GFAP: variants seen among roughly 807,000 people sequenced by gnomAD.
The protein encoded by GFAP is intermediate filament protein.
In GFAP, 38 loss-of-function variants were observed where a neutral mutation model predicts 49.3. The ratio of observed to expected loss-of-function variants is 0.77; its 90% CI spans 0.60 to 1.01. GFAP has a LOEUF of 1.01. GFAP is among the 50% of genes least tolerant of loss of function. GFAP has a pLI of 0.00. For missense variants in GFAP, 463 were observed against 579.1 expected (o/e 0.80, Z 2.06); for synonymous variants, 222 against 236.4 (o/e 0.94, Z 0.56).
chr17:44,910,339 G>A, intron 7 of GFAP: 1 of 1,612,436 alleles, frequency 6.2e-7, no homozygotes, highest in Non-Finnish European at 8.5e-7. Context: ...CTGCAGACAG[G>A]GCAGATGTCA....
At chr17:44,914,991 G>A (rs1281840947) in intron 1 of GFAP, 35 bp downstream of exon 1, 1 of 1,566,566 alleles carries the variant, frequency 6.4e-7, no homozygotes, top group African/African-American at 1.3e-5. Flanking sequence ...AGCCCCTTCT[G>A]CTCACAAGGC....
chr17:44,911,416 C>G lies in GFAP; in HGVS notation c.947G>C (p.Arg316Pro), dbSNP rs140004406. The G allele has an allele frequency of 6.2e-7, 1 of 1,612,552 alleles. No individual in the cohort carries two copies. Among genetic ancestry groups the G allele is most frequent in the Non-Finnish European group, 8.5e-7 (1 of 1,179,370 alleles). The change falls in exon 6 of 9, where the codon CGG becomes CCG. Residue 316 changes from arginine (R) to proline (P), a missense_variant. Transcript: ENST00000588735. ...ATAACTGGCCGCCTCCCGCACGTGC[C>G]GCTCCTCCTGCTCGCGCATCTGCCT... ...LERQMREQEE[R>P]HVREAASYQE... is the part of the protein sequence containing the mutation.
In GFAP at chr17:44,911,681, CAG is replaced by C; in HGVS notation, c.895_896del (p.Leu299AlafsTer123). ...CCCTGGCCGCGCTCACCGTGCCGCG[CAG>C]AGACTCCAGGTCGCAGGTCAAGGAC... ...LQSLTCDLES[L>X]RGTNESLERQ... On this transcript the variant is annotated frameshift_variant, in exon 5 of 9. Coordinates refer to ENST00000588735, the MANE Select transcript of GFAP (RefSeq NM_002055.5). LOFTEE classifies it high-confidence loss of function. 6.2e-7 allele frequency: 1 copy of C among 1,613,260 alleles called. No individual in the cohort carries two copies. The highest frequency in any genetic ancestry group is 2.2e-5 in the East Asian group (1 of 44,884).
chr17:44,911,503 G>C, intron 5 of GFAP, 47 bp from the exon 6 acceptor site: 5 of 1,563,272 alleles, frequency 3.2e-6, no homozygotes, highest in Non-Finnish European at 4.3e-6. Flanking sequence ...ACCCGACTTG[G>C]GGAGGTTTCG....
chr17:44,903,596 T>A lies in GFAP; in HGVS notation c.*3751A>T. ...AGTAAAGGCCAGGTTCTAGAATGGC[T>A]TTCCCCCCCCACCCTGAGATCAGGT... On this transcript the variant is annotated 3_prime_UTR_variant, in exon 9 of 9. Transcript: ENST00000588735. 1.4e-6 allele frequency: 2 copies of A among 1,404,736 alleles called. No individual in the cohort carries two copies. The highest frequency in any genetic ancestry group is 9.2e-7 in the Non-Finnish European group (1 of 1,086,482). 87.0% of individuals were successfully genotyped at this position (1,404,736 alleles called of 1,614,324 possible).
At position 44,911,807 on chromosome 17, in the gene GFAP, G is replaced by A; in HGVS notation, c.781-10C>T. On this transcript the variant is annotated splice_polypyrimidine_tract_variant and intron_variant, in intron 4 of 8. Transcript: ENST00000588735. Reference sequence around the variant, plus strand: ...CTGTCAGGTCTGCAAACTAGGTGGGGGACACATATGGGGGGCTGTGTGGGC... The same window carrying A: ...CTGTCAGGTCTGCAAACTAGGTGGGAGACACATATGGGGGGCTGTGTGGGC... The A allele has an allele frequency of 6.2e-7, 1 of 1,611,690 alleles. No individual in the cohort carries two copies.
chr17:44,913,513 C>T, intron 3 of GFAP, 83 bp from the exon 4 acceptor site: 2 of 1,454,166 alleles, frequency 1.4e-6, no homozygotes, highest in Non-Finnish European at 9.6e-7. Flanking sequence ...TCCTCTTCTG[C>T]CTGCCCCTCG....
rs765244209 is a variant in GFAP, at chr17:44,904,808, G to A, written c.*2539C>T. 3.6e-5 allele frequency: 56 copies of A among 1,550,540 alleles called. No individual in the cohort carries two copies. Among genetic ancestry groups the A allele is most frequent in the Non-Finnish European group, 4.3e-5 (49 of 1,147,012 alleles). ...GTCCATGAGGGTGTTCATTGACCAC[G>A]GCAACCAGCTCCACATCCGCTTCAC... On this transcript the variant is annotated 3_prime_UTR_variant, in exon 9 of 9. Transcript: ENST00000588735.
Position 44,905,388 on chromosome 17 carries a change from A to G in GFAP, c.*1959T>C, listed in dbSNP as rs901165417. 3.5e-6 allele frequency: 1 copy of G among 283,530 alleles called. No individual in the cohort carries two copies. The highest frequency in any genetic ancestry group is 7.0e-6 in the Non-Finnish European group (1 of 142,224). 17.6% of individuals were successfully genotyped at this position (283,530 alleles called of 1,614,324 possible). A position where few individuals can be genotyped will look rare whatever the true frequency, so the allele number is the denominator to read the frequency against. On this transcript the variant is annotated 3_prime_UTR_variant, in exon 9 of 9. Coordinates refer to ENST00000588735, the MANE Select transcript of GFAP (RefSeq NM_002055.5). ...GGTAAACACTGATCAGTGTTGAATC[A>G]TGTTTGAGCTGCTTTGCTTTCTTGC...
At chr17:44,914,717 C>A in intron 1 of GFAP, 1 of 451,310 alleles carries the variant, frequency 2.2e-6, no homozygotes. Flanking sequence ...TCGCTGCCCA[C>A]AGTCACAAAG....
At position 44,914,903 on chromosome 17, in the gene GFAP, C is replaced by G. The variant is rs541785509; in HGVS notation, c.461+123G>C. The G allele has an allele frequency of 1.3e-4, 107 of 808,406 alleles. 1 individual carries two copies. In the African/African-American group the frequency reaches 1.3e-3, roughly 10 times the overall value. The allele number at this position is 808,406 out of a possible 1,614,324, so 50.1% of individuals were successfully genotyped here. ...TTGGGGGGCAAGGATAGTGCCCCAT[C>G]AAGAGGTAGGGAGGCCCAGGGAGCA... On this transcript the variant is annotated intron_variant, in intron 1 of 8. Transcript: ENST00000588735.
Position 44,912,114 on chromosome 17 carries a change from G to T in GFAP, c.781-317C>A, listed in dbSNP as rs60768739. Among the ~76,000 whole-genome samples, 23,550 of 151,186 alleles carry T rather than the reference G, an allele frequency of 0.16. 2,105 individuals are homozygous for T. Among genetic ancestry groups the T allele is most frequent in the Middle Eastern group, 0.27 (78 of 286 alleles). ...AGGCCTGGGTGTTTTGTGTGTTTTT[G>T]TTTTTTTGTTTTTTTTGTTTTATTT... On this transcript the variant is annotated intron_variant, in intron 4 of 8. Transcript: ENST00000588735.
chr17:44,910,372 C>A (rs753188187), intron 7 of GFAP: 11 of 1,609,056 alleles, frequency 6.8e-6, no homozygotes, highest in Non-Finnish European at 9.3e-6. Flanking sequence ...GTTCTGCTGT[C>A]GAATGGGGTG....
In GFAP at chr17:44,903,671, T is replaced by C; in HGVS notation, c.*3676A>G. The C allele has an allele frequency of 7.0e-7, 1 of 1,435,522 alleles. No individual in the cohort carries two copies. The highest frequency in any genetic ancestry group is 1.5e-5 in the South Asian group (1 of 65,972). The allele number at this position is 1,435,522 out of a possible 1,614,324, so 88.9% of individuals were successfully genotyped here. A position where few individuals can be genotyped will look rare whatever the true frequency, so the allele number is the denominator to read the frequency against. On this transcript the variant is annotated 3_prime_UTR_variant, in exon 9 of 9. Coordinates refer to ENST00000588735, the MANE Select transcript of GFAP (RefSeq NM_002055.5). ...TACATCCACTGGGAATAAATTGCCT[T>C]GCACTTGGCGGCTTCCTCTGCAGAT...
At chr17:44,911,850 C>T in intron 4 of GFAP, 53 bp from the exon 5 acceptor site, 1 of 1,583,094 alleles carries the variant, frequency 6.3e-7, no homozygotes, top group Non-Finnish European at 8.6e-7. Context: ...CAGGCACGGG[C>T]TCTGGGAAAT....
intron 5 of GFAP, 43 bp from the exon 6 acceptor site, chr17:44,911,499 C>T (rs569574525): frequency 1.9e-6 from 3 of 1,567,294 alleles, no homozygotes; most frequent in South Asian, 2.3e-5. Context: ...CCCGACCCGA[C>T]TTGGGGAGGT....
rs1227912772 is a variant in GFAP, at chr17:44,905,893, G to A, written c.*1454C>T. 6.6e-6 allele frequency: 1 copy of A among 152,302 alleles called. No individual in the cohort carries two copies. 9.4% of individuals were successfully genotyped at this position (152,302 alleles called of 1,614,324 possible). A position where few individuals can be genotyped will look rare whatever the true frequency, so the allele number is the denominator to read the frequency against. On this transcript the variant is annotated 3_prime_UTR_variant, in exon 9 of 9. Coordinates refer to ENST00000588735, the MANE Select transcript of GFAP (RefSeq NM_002055.5). ...AGTCAAAGCAGAGTGGGTGCACTGG[G>A]GTGGACGTGTCAGCCCTGAGCACCC...
rs551327378 is a variant in GFAP at position 44,909,823 on chromosome 17, C to T, written c.1171+792G>A. ...CAGAGAGCCTGGCGTCCAGGCACAG[C>T]GAGACCCAAGGGGCCCTCCCAGTGA... On this transcript the variant is annotated intron_variant, in intron 7 of 8. Coordinates refer to ENST00000588735, the MANE Select transcript of GFAP (RefSeq NM_002055.5). 17 of 1,203,438 alleles carry T rather than the reference C, an allele frequency of 1.4e-5. No homozygotes were observed. The East Asian group carries it at 2.2e-4, about 16-fold the overall frequency. 74.5% of individuals were successfully genotyped at this position (1,203,438 alleles called of 1,614,324 possible).
At chr17:44,910,150 G>A (rs777059313) in intron 7 of GFAP, 1 of 1,614,000 alleles carries the variant, frequency 6.2e-7, no homozygotes. Flanking sequence ...CCGCGAGCCG[G>A]CGGCGTTCCA....
Sources: allele counts gnomAD v4.1 joint callset (sites outside exome capture counted in the v4.1 genomes callset), GRCh38; gene constraint gnomAD v4.1.1; transcripts MANE v1.5; gene names NCBI Gene and HGNC (gene_info 2026-07-23, HGNC 2026-07-21).